Variants in ZNF423 observed in about 807,000 individuals in gnomAD.
ZNF423 encodes Ebf-associated zinc finger protein.
Under a neutral mutation model 95.8 loss-of-function variants are expected in ZNF423, and 12 were observed. The observed-to-expected ratio is 0.13, with a 90% confidence interval of 0.08 to 0.20. The LOEUF is 0.20. ZNF423 is among the 10% of genes least tolerant of loss of function. The pLI, the probability that ZNF423 is intolerant of heterozygous loss-of-function variation, is 1.00. For synonymous variants in ZNF423, 749 were observed against 711.9 expected (o/e 1.05, Z -0.83); for missense variants, 1,316 against 1,737.1 (o/e 0.76, Z 4.31).
At chr16:49,493,461 C>A (rs1451662934) in intron 7 of ZNF423, among the ~76,000 whole-genome samples, 1 of 152,206 alleles carries the variant, frequency 6.6e-6, no homozygotes, top group East Asian at 1.9e-4. Context: ...TACGCCTGGG[C>A]CTCCAATCCC....
intron 3 of ZNF423, among the ~76,000 whole-genome samples, chr16:49,723,084 T>C (rs1232362724): frequency 1.3e-5 from 2 of 151,434 alleles, no homozygotes; most frequent in Admixed American, 6.6e-5. Flanking sequence ...GCCTCCCGAG[T>C]AGCTGGGACT....
At position 49,638,958 on chromosome 16, in the gene ZNF423, G is replaced by T; in HGVS notation, c.302-84C>A. Reference sequence around the variant, plus strand: ...GACAGAGCCAGCTTCTCGACAGCACGCGGGCTGAGGCTGTGCAGCTGGCCA... The same window carrying T: ...GACAGAGCCAGCTTCTCGACAGCACTCGGGCTGAGGCTGTGCAGCTGGCCA... On this transcript the variant is annotated intron_variant, in intron 3 of 7. Coordinates refer to ENST00000563137, the MANE Select transcript of ZNF423 (RefSeq NM_001379286.1). This position sits in a 1 kb window ranked among gnomAD's most constrained non-coding sequence, Gnocchi z 5.6. 1 of 1,476,042 alleles carries T rather than the reference G, an allele frequency of 6.8e-7. No homozygotes were observed. The highest frequency in any genetic ancestry group is 9.0e-7 in the Non-Finnish European group (1 of 1,114,846). The allele number at this position is 1,476,042 out of a possible 1,614,324, so 91.4% of individuals were successfully genotyped here.
intron 3 of ZNF423, among the ~76,000 whole-genome samples, chr16:49,652,240 A>G (rs1178906633): frequency 6.6e-6 from 1 of 152,034 alleles, no homozygotes; most frequent in African/African-American, 2.4e-5. Context: ...GACCTCGCAG[A>G]ACACACAGCC....
At chr16:49,854,245 G>A (rs2144134747) in intron 1 of ZNF423, 1 of 985,452 alleles carries the variant, frequency 1.0e-6, no homozygotes, top group Non-Finnish European at 1.2e-6. Flanking sequence ...TCAGGGAAAA[G>A]GAGGAGTAGG....
At position 49,814,271 on chromosome 16, in the gene ZNF423, G is replaced by A. The variant is rs72780384; in HGVS notation, c.41-24725C>T. Among the ~76,000 whole-genome samples the A allele has an allele frequency of 5.9e-3, 891 of 152,158 alleles. 4 individuals carry two copies. The highest frequency in any genetic ancestry group is 0.021 in the Middle Eastern group (6 of 292). Reference sequence around the variant, plus strand: ...ATGGACATGATTCATCTGCCTTCCCGTGGGCTCTGGGGGGTGGGGGGATGA... The same window carrying A: ...ATGGACATGATTCATCTGCCTTCCCATGGGCTCTGGGGGGTGGGGGGATGA... On this transcript the variant is annotated intron_variant, in intron 1 of 7. Transcript: ENST00000563137.
intron 4 of ZNF423, among the ~76,000 whole-genome samples, chr16:49,632,442 C>T (rs1431079891): frequency 6.6e-6 from 1 of 152,170 alleles, no homozygotes; most frequent in Non-Finnish European, 1.5e-5. Flanking sequence ...CCAGAGAATG[C>T]CGCCTTGCCT....
chr16:49,842,288 G>C (rs1309232240), intron 1 of ZNF423, among the ~76,000 whole-genome samples: 8 of 49,012 alleles, frequency 1.6e-4, no homozygotes, highest in African/African-American at 6.2e-4. Flanking sequence ...GGAGGGGAGG[G>C]GAGGGGAGGG....
At chr16:49,707,397 T>G (rs1596891320) in intron 3 of ZNF423, among the ~76,000 whole-genome samples, 1 of 152,132 alleles carries the variant, frequency 6.6e-6, no homozygotes, top group East Asian at 1.9e-4. Flanking sequence ...GTGGATCACC[T>G]GAGGTCAGAA....
chr16:49,520,438 T>C (rs573668372), intron 7 of ZNF423, among the ~76,000 whole-genome samples: 1 of 152,222 alleles, frequency 6.6e-6, no homozygotes, highest in Non-Finnish European at 1.5e-5. Flanking sequence ...GAGGGAGACA[T>C]GTCAATGTTG....
Position 49,637,375 on chromosome 16 carries a change from G to A in ZNF423, c.1801C>T (p.Leu601=). 1.2e-6 allele frequency: 2 copies of A among 1,614,260 alleles called. No individual in the cohort carries two copies. Among genetic ancestry groups the A allele is most frequent in the South Asian group, 2.2e-5 (2 of 91,084 alleles). Residue 601 remains leucine, a synonymous_variant, in exon 4 of 8, where the codon CTG becomes TTG. Coordinates refer to ENST00000563137, the MANE Select transcript of ZNF423 (RefSeq NM_001379286.1). The surrounding 1 kb of genome is among the most constrained non-coding windows in gnomAD (Gnocchi z 5.6). Reference sequence around the variant, plus strand: ...GCCTTGGACTTCTTGCTGTGGGCCAGTGGAATGTTCTTGTGGTTCTCCTTG... The same window carrying A: ...GCCTTGGACTTCTTGCTGTGGGCCAATGGAATGTTCTTGTGGTTCTCCTTG... ...HIKENHKNIP[L]AHSKKSKAEQ... is the part of the protein sequence containing the mutation.
chr16:49,730,332 C>T (rs193195985), intron 3 of ZNF423, among the ~76,000 whole-genome samples: 25 of 152,302 alleles, frequency 1.6e-4, no homozygotes, highest in Admixed American at 1.1e-3. Flanking sequence ...CCCTTTTTCA[C>T]GGGCTGTCCT....
intron 3 of ZNF423, among the ~76,000 whole-genome samples, chr16:49,693,168 G>A (rs779888242): frequency 2.3e-4 from 35 of 152,118 alleles, no homozygotes; most frequent in Non-Finnish European, 4.0e-4. Context: ...TTCTCCCTCC[G>A]GCTTCCCCTT....
At chr16:49,694,082 T>C (rs1051547726) in intron 3 of ZNF423, among the ~76,000 whole-genome samples, 38 of 152,204 alleles carry the variant, frequency 2.5e-4, no homozygotes, top group Non-Finnish European at 5.3e-4. Flanking sequence ...CCTCAGTCTG[T>C]CTAACGAGGT....
At chr16:49,597,225 G>A (rs931745794) in intron 5 of ZNF423, among the ~76,000 whole-genome samples, 1 of 152,140 alleles carries the variant, frequency 6.6e-6, no homozygotes, top group Admixed American at 6.5e-5. Flanking sequence ...CACAGCCCAG[G>A]CCTCACAATG....
intron 2 of ZNF423, among the ~76,000 whole-genome samples, chr16:49,769,708 CT>C (rs1292443636): frequency 6.6e-6 from 1 of 151,830 alleles, no homozygotes; most frequent in East Asian, 1.9e-4. Context: ...TCTGCTCCGT[CT>C]TTCCCCTCTC....
chr16:49,651,193 A>T (rs1340471513), intron 3 of ZNF423, among the ~76,000 whole-genome samples: 10 of 142,002 alleles, frequency 7.0e-5, no homozygotes, highest in Non-Finnish European at 1.4e-4. Context: ...GCTAATTTTA[A>T]TTTTTTTTTT....
At chr16:49,814,134 G>A (rs540720179) in intron 1 of ZNF423, among the ~76,000 whole-genome samples, 36 of 150,974 alleles carry the variant, frequency 2.4e-4, no homozygotes, top group Non-Finnish European at 4.0e-4. Context: ...CTGAGGAGCC[G>A]GGGCTTCGGA....
chr16:49,842,977 C>CAAA (rs71380379), intron 1 of ZNF423, among the ~76,000 whole-genome samples: 4 of 97,334 alleles, frequency 4.1e-5, no homozygotes, highest in Admixed American at 1.1e-4. Context: ...GACTCCGTCT[C>CAAA]AAAAAAAAAA....
At chr16:49,575,186 G>C (rs960422620) in intron 5 of ZNF423, among the ~76,000 whole-genome samples, 5 of 152,258 alleles carry the variant, frequency 3.3e-5, no homozygotes, top group African/African-American at 1.2e-4. Flanking sequence ...TATGCTAAGA[G>C]AACTTAGGCA....
Sources: allele counts gnomAD v4.1 joint callset (sites outside exome capture counted in the v4.1 genomes callset), GRCh38; gene constraint gnomAD v4.1.1; non-coding constraint Gnocchi (gnomAD v3.1); transcripts MANE v1.5; gene names NCBI Gene and HGNC (gene_info 2026-07-23, HGNC 2026-07-21).